MANBA: variants seen among roughly 807,000 people sequenced by gnomAD.
MANBA encodes mannosidase beta.
Under a neutral mutation model 111.1 loss-of-function variants are expected in MANBA, and 83 were observed. The observed-to-expected ratio is 0.75, with a 90% confidence interval of 0.63 to 0.90. The LOEUF (loss-of-function observed/expected upper bound fraction) is 0.90, where lower values mean the gene tolerates loss of function less well. Ranked by LOEUF, MANBA falls within the 40% of genes least tolerant of loss-of-function variation. MANBA has a pLI of 0.00. For synonymous variants in MANBA, 370 were observed against 378.7 expected (o/e 0.98, Z 0.27); for missense variants, 1,036 against 1,069.0 (o/e 0.97, Z 0.43).
At chr4:102,645,624 G>A (rs1258273251) in intron 13 of MANBA, among the ~76,000 whole-genome samples, 1 of 151,774 alleles carries the variant, frequency 6.6e-6, no homozygotes, top group Non-Finnish European at 1.5e-5. Context: ...GTTTCTCTAG[G>A]AATTCATCCA....
intron 5 of MANBA, among the ~76,000 whole-genome samples, chr4:102,693,679 T>C (rs1732582458): frequency 6.6e-6 from 1 of 152,222 alleles, no homozygotes; most frequent in Non-Finnish European, 1.5e-5. Flanking sequence ...GTTTACTTAT[T>C]GTCTTTGGTT....
In MANBA at chr4:102,708,044, T is replaced by A. The variant is rs544146290; in HGVS notation, c.673+6394A>T. Among the ~76,000 whole-genome samples, 94 of 152,234 alleles carry A rather than the reference T, an allele frequency of 6.2e-4. 1 individual carries two copies. Among genetic ancestry groups the A allele is most frequent in the African/African-American group, 2.2e-3 (91 of 41,558 alleles). Reference sequence around the variant, plus strand: ...TTACCAAATCTAAAGACAGATAGATTCCAATACAATAATAGTGGGGGATTT... The same window carrying A: ...TTACCAAATCTAAAGACAGATAGATACCAATACAATAATAGTGGGGGATTT... On this transcript the variant is annotated intron_variant, in intron 5 of 16. Transcript: ENST00000647097.
At chr4:102,649,779 A>G (rs1435733601) in intron 13 of MANBA, among the ~76,000 whole-genome samples, 1 of 152,130 alleles carries the variant, frequency 6.6e-6, no homozygotes, top group East Asian at 1.9e-4. Context: ...TTTTCTAGTT[A>G]GTGCTTTTTA....
intron 1 of MANBA, among the ~76,000 whole-genome samples, chr4:102,753,044 T>C (rs1471367537): frequency 6.6e-6 from 1 of 152,192 alleles, no homozygotes; most frequent in Non-Finnish European, 1.5e-5. Flanking sequence ...TGTATATTTA[T>C]ATACTTATAA....
At chr4:102,637,978 G>T (rs754339535) in intron 14 of MANBA, among the ~76,000 whole-genome samples, 1 of 152,204 alleles carries the variant, frequency 6.6e-6, no homozygotes, top group Non-Finnish European at 1.5e-5. Flanking sequence ...GATGCAATCT[G>T]CAGGTAGATA....
chr4:102,703,502 T>C (rs1733156894), intron 5 of MANBA, among the ~76,000 whole-genome samples: 1 of 152,140 alleles, frequency 6.6e-6, no homozygotes, highest in African/African-American at 2.4e-5. Flanking sequence ...AGATTAGAAA[T>C]TACAGTTTAG....
intron 5 of MANBA, among the ~76,000 whole-genome samples, chr4:102,693,857 G>A (rs1395168834): frequency 1.3e-5 from 2 of 152,018 alleles, no homozygotes; most frequent in Non-Finnish European, 2.9e-5. Context: ...AAAAACCTCT[G>A]CCTCACAAAA....
At chr4:102,740,009 G>C (rs1172417832) in intron 1 of MANBA, among the ~76,000 whole-genome samples, 2 of 152,298 alleles carry the variant, frequency 1.3e-5, no homozygotes, top group Admixed American at 1.3e-4. Flanking sequence ...AACCGTTGCT[G>C]TTCACTGATG....
chr4:102,754,002 CAA>C (rs35420022), intron 1 of MANBA: 5,699 of 175,488 alleles, frequency 0.032, 1 homozygote, highest in South Asian at 0.05. Context: ...GACTCTGTCT[CAA>C]AAAAAAAAAA....
At position 102,647,962 on chromosome 4, in the gene MANBA, T is replaced by C. The variant is rs143254084; in HGVS notation, c.1869+2575A>G. Among the ~76,000 whole-genome samples, 196 of 152,190 alleles carry C rather than the reference T, an allele frequency of 1.3e-3. 1 individual carries two copies. The highest frequency in any genetic ancestry group is 4.6e-3 in the African/African-American group (189 of 41,532). The stretch of plus-strand genomic sequence containing the variant: ...ATAGGAAAATTTAACTGTGATTATG[T>C]TTTTAAAAATTTCCTGTCTACTTCA... On this transcript the variant is annotated intron_variant, in intron 13 of 16. Coordinates refer to ENST00000647097, the MANE Select transcript of MANBA (RefSeq NM_005908.4).
intron 3 of MANBA, 148 bp downstream of exon 3, chr4:102,723,714 C>A: frequency 1.6e-6 from 1 of 611,292 alleles, no homozygotes; most frequent in Admixed American, 3.1e-5. Context: ...ACAAATGTGG[C>A]AACTGAGAAA....
At chr4:102,719,390 CTTTTTCA>C (rs1722476529) in intron 4 of MANBA, among the ~76,000 whole-genome samples, 1 of 152,112 alleles carries the variant, frequency 6.6e-6, no homozygotes, top group Non-Finnish European at 1.5e-5. Context: ...TTATTCTGTT[CTTTTTCA>C]GGGTGCACTG....
At chr4:102,667,607 C>T (rs1238437989) in intron 10 of MANBA, 1 of 152,104 alleles carries the variant, frequency 6.6e-6, no homozygotes, top group African/African-American at 2.4e-5. Context: ...ATTTTTGAAA[C>T]AGTTTCATGA....
Position 102,714,597 on chromosome 4 carries a change from A to G in MANBA, c.550-36T>C, listed in dbSNP as rs756511926. ...AAGGAGAAAAAGAAGATATATTCTG[A>G]TTATGGTGAAATTTAAACATTATGA... On this transcript the variant is annotated intron_variant, in intron 4 of 16. Coordinates refer to ENST00000647097, the MANE Select transcript of MANBA (RefSeq NM_005908.4). 8.2e-6 allele frequency: 13 copies of G among 1,588,264 alleles called. No individual in the cohort carries two copies. In the East Asian group the frequency reaches 1.8e-4, roughly 22 times the overall value.
At chr4:102,712,196 T>C (rs1322272922) in intron 5 of MANBA, among the ~76,000 whole-genome samples, 1 of 152,156 alleles carries the variant, frequency 6.6e-6, no homozygotes, top group Admixed American at 6.5e-5. Context: ...TGTACAAATA[T>C]TACGTGTCAA....
At chr4:102,734,182 G>A (rs937116915) in intron 1 of MANBA, among the ~76,000 whole-genome samples, 1 of 152,222 alleles carries the variant, frequency 6.6e-6, no homozygotes, top group Non-Finnish European at 1.5e-5. Context: ...GTTGAAGAAT[G>A]GGATGCTGTG....
At chr4:102,655,090 A>C (rs1730504637) in intron 12 of MANBA, among the ~76,000 whole-genome samples, 1 of 152,188 alleles carries the variant, frequency 6.6e-6, no homozygotes, top group South Asian at 2.1e-4. Context: ...ATTTATTTAC[A>C]ATAGCGTCAG....
rs558710124 is a variant in MANBA at position 102,657,776 on chromosome 4, A to T, written c.1610T>A (p.Ile537Asn). The change falls in exon 12 of 17, where the codon ATC becomes AAC. Residue 537 changes from isoleucine to asparagine, a missense_variant. Ile to Asn is a moderately radical substitution (Grantham distance 149, BLOSUM62 -3). Transcript: ENST00000647097. The stretch of plus-strand genomic sequence containing the variant: ...AACTTTCCAGTTCCAGCAATCACTG[A>T]TATAGTCATAAAAATGTACATCACC... ...YFGDVHFYDYISDCWNWKVFP... is the reference protein window; with the variant it reads ...YFGDVHFYDYNSDCWNWKVFP... 1.2e-5 allele frequency: 19 copies of T among 1,613,652 alleles called. No individual in the cohort carries two copies. The highest frequency in any genetic ancestry group is 1.6e-5 in the Non-Finnish European group (19 of 1,179,676).
intron 5 of MANBA, among the ~76,000 whole-genome samples, chr4:102,712,675 G>T (rs1432794950): frequency 6.6e-6 from 1 of 151,786 alleles, no homozygotes; most frequent in African/African-American, 2.4e-5. Flanking sequence ...AACGCCACCA[G>T]GCCTGGCTAA....
Sources: gnomAD v4.1 joint callset for allele counts (sites outside exome capture counted in the v4.1 genomes callset) on GRCh38, gnomAD v4.1.1 for gene constraint, MANE v1.5 for transcripts, NCBI Gene and HGNC (gene_info 2026-07-23, HGNC 2026-07-21) for gene names.